Variants in DLG2 observed in about 807,000 individuals in gnomAD.
DLG2 encodes the protein discs large MAGUK scaffold protein 2.
DLG2 carries 45 observed loss-of-function variants against 132.5 expected under a neutral mutation model. The ratio of observed to expected loss-of-function variants is 0.34; its 90% confidence interval spans 0.27 to 0.44. The LOEUF is 0.44. Among genes scored for constraint, DLG2 ranks in the 20% least tolerant of loss-of-function variants. The pLI, the probability that DLG2 is intolerant of heterozygous loss-of-function variation, is 1.00. For missense variants in DLG2, 1,045 were observed against 1,196.9 expected (o/e 0.87, Z 1.87); for synonymous variants, 424 against 419.6 (o/e 1.01, Z -0.13).
rs183820355 is a variant in DLG2 at position 84,774,808 on chromosome 11, G to A, written c.358-240077C>T. Among the ~76,000 whole-genome samples the A allele has an allele frequency of 2.1e-3, 311 of 151,132 alleles. 3 individuals are homozygous for A. The highest frequency in any genetic ancestry group is 7.2e-3 in the African/African-American group (297 of 41,406). ...AAATTAACTCAAGATTGATTTAAAT[G>A]TAAGACCTTAAACTCTAAGAATCCT... On this transcript the variant is annotated intron_variant, in intron 6 of 27. Transcript: ENST00000376104.
chr11:84,119,450 TTATA>T (rs1026080205), intron 9 of DLG2, among the ~76,000 whole-genome samples: 3 of 151,028 alleles, frequency 2.0e-5, no homozygotes, highest in Non-Finnish European at 2.9e-5. Flanking sequence ...TTCATATATG[TTATA>T]TATATAAATA....
chr11:84,642,443 A>G (rs919140052), intron 6 of DLG2, among the ~76,000 whole-genome samples: 2 of 152,170 alleles, frequency 1.3e-5, no homozygotes, highest in African/African-American at 4.8e-5. Context: ...AGTGACGGAA[A>G]GAGATACACT....
intron 17 of DLG2, among the ~76,000 whole-genome samples, chr11:83,807,186 T>C (rs1407247849): frequency 2.0e-5 from 3 of 152,180 alleles, no homozygotes; most frequent in African/African-American, 7.2e-5. Flanking sequence ...CCTTCATCAC[T>C]TTCCTTTGTT....
intron 18 of DLG2, among the ~76,000 whole-genome samples, chr11:83,690,738 C>A (rs976143455): frequency 3.3e-5 from 5 of 151,978 alleles, no homozygotes; most frequent in Non-Finnish European, 7.4e-5. Flanking sequence ...TCCCACTGTC[C>A]ATTTTTATAT....
chr11:83,831,990 A>T (rs2054671191), intron 17 of DLG2, among the ~76,000 whole-genome samples: 1 of 152,074 alleles, frequency 6.6e-6, no homozygotes, highest in East Asian at 1.9e-4. Flanking sequence ...GAGGGAAGGG[A>T]TATGGTAGGT....
At chr11:83,563,915 G>A (rs956749685) in intron 19 of DLG2, among the ~76,000 whole-genome samples, 120 of 152,216 alleles carry the variant, frequency 7.9e-4, no homozygotes, top group Non-Finnish European at 1.3e-3. Context: ...CACTGTCTTC[G>A]TAGCATTTGG....
At chr11:85,407,746 A>C in intron 3 of DLG2, among the ~76,000 whole-genome samples, 1 of 151,802 alleles carries the variant, frequency 6.6e-6, no homozygotes, top group Non-Finnish European at 1.5e-5. Context: ...GAATTGTCCC[A>C]CCCAAGAAGC....
chr11:83,979,135 A>G (rs1380163767), intron 12 of DLG2, among the ~76,000 whole-genome samples: 1 of 152,198 alleles, frequency 6.6e-6, no homozygotes, highest in African/African-American at 2.4e-5. Context: ...CTTATCTAAC[A>G]CAAAGCTTAC....
At chr11:84,502,278 CCTT>C (rs2099215911) in intron 7 of DLG2, among the ~76,000 whole-genome samples, 3 of 53,708 alleles carry the variant, frequency 5.6e-5, no homozygotes, top group East Asian at 6.4e-4. Flanking sequence ...TTCCTTCCTT[CCTT>C]CTTTCTTTCT....
At chr11:83,703,030 A>C (rs931518366) in intron 18 of DLG2, among the ~76,000 whole-genome samples, 2 of 152,258 alleles carry the variant, frequency 1.3e-5, no homozygotes, top group Admixed American at 1.3e-4. Flanking sequence ...TCTATGGTAC[A>C]TCTGTGCTGT....
intron 6 of DLG2, among the ~76,000 whole-genome samples, chr11:85,014,645 T>G (rs1350736861): frequency 6.6e-6 from 1 of 152,164 alleles, no homozygotes; most frequent in Non-Finnish European, 1.5e-5. Flanking sequence ...TTCTTTGGTT[T>G]TAACCCTCCA....
intron 18 of DLG2, among the ~76,000 whole-genome samples, chr11:83,692,694 T>A (rs2081193372): frequency 6.6e-6 from 1 of 152,184 alleles, no homozygotes; most frequent in South Asian, 2.1e-4. Context: ...ACAAAACAAA[T>A]GCTTTATAAA....
intron 7 of DLG2, among the ~76,000 whole-genome samples, chr11:84,526,970 G>T (rs2099322989): frequency 6.6e-6 from 1 of 151,966 alleles, no homozygotes; most frequent in South Asian, 2.1e-4. Context: ...AGTAGAGACG[G>T]GGTTTCACCG....
chr11:84,211,617 A>C (rs2096756181), intron 8 of DLG2, among the ~76,000 whole-genome samples: 1 of 152,190 alleles, frequency 6.6e-6, no homozygotes, highest in Non-Finnish European at 1.5e-5. Flanking sequence ...CCACTTCCCA[A>C]ATTTTCCCTA....
intron 6 of DLG2, among the ~76,000 whole-genome samples, chr11:84,592,382 A>AAT (rs2099545489): frequency 1.3e-5 from 2 of 152,216 alleles, no homozygotes; most frequent in Non-Finnish European, 2.9e-5. Flanking sequence ...GAGTCTAGGT[A>AAT]ATACCATTTA....
chr11:85,398,638 T>C (rs1477085055), intron 3 of DLG2, among the ~76,000 whole-genome samples: 2 of 152,110 alleles, frequency 1.3e-5, no homozygotes, highest in African/African-American at 4.8e-5. Context: ...CATCAGAGAA[T>C]ACTATAAACA....
chr11:85,419,424 G>A (rs1011168003), intron 3 of DLG2, among the ~76,000 whole-genome samples: 1 of 152,202 alleles, frequency 6.6e-6, no homozygotes. Context: ...TTCTTGAGGA[G>A]TATCTTTGTG....
intron 6 of DLG2, among the ~76,000 whole-genome samples, chr11:84,590,906 G>A (rs1057039800): frequency 6.6e-6 from 1 of 152,136 alleles, no homozygotes; most frequent in African/African-American, 2.4e-5. Context: ...GTTCCTAAGA[G>A]GTGCAAATTG....
intron 6 of DLG2, among the ~76,000 whole-genome samples, chr11:84,937,384 CAAAA>C (rs35813381): frequency 7.6e-6 from 1 of 132,436 alleles, no homozygotes; most frequent in African/African-American, 2.7e-5. Context: ...CATACCAGAC[CAAAA>C]AAAAAAAAAA....
Sources: gnomAD v4.1 joint callset for allele counts (sites outside exome capture counted in the v4.1 genomes callset) on GRCh38, gnomAD v4.1.1 for gene constraint, MANE v1.5 for transcripts, NCBI Gene and HGNC (gene_info 2026-07-23, HGNC 2026-07-21) for gene names.